The following PPARG variants were observed in gnomAD, a reference collection of about 807,000 sequenced individuals.
PPARG encodes the protein peroxisome proliferator activated receptor gamma.
Under a neutral mutation model 39.2 loss-of-function variants are expected in PPARG, and 17 were observed. That is an observed-to-expected ratio of 0.43 (90% CI 0.30 to 0.65). The LOEUF is 0.65. Among genes scored for constraint, PPARG ranks in the 30% least tolerant of loss-of-function variants. The probability of loss-of-function intolerance (pLI) is 0.13; values close to 1 mark genes in which losing one functional copy is unlikely to be tolerated. For synonymous variants in PPARG, 223 were observed against 215.7 expected (o/e 1.03, Z -0.30); for missense variants, 406 against 585.9 (o/e 0.69, Z 3.17).
chr3:12,304,801 A>C (rs2047017536), intron 1 of PPARG, among the ~76,000 whole-genome samples: 1 of 152,204 alleles, frequency 6.6e-6, no homozygotes, highest in Non-Finnish European at 1.5e-5. Flanking sequence ...GAAAGAAGCA[A>C]AGATAGTTTC....
At chr3:12,289,372 C>T (rs2046591974) in intron 1 of PPARG, among the ~76,000 whole-genome samples, 1 of 152,106 alleles carries the variant, frequency 6.6e-6, no homozygotes. Flanking sequence ...TCTTCTTTTC[C>T]TTGCAAGATT....
intron 4 of PPARG, among the ~76,000 whole-genome samples, chr3:12,385,787 C>T (rs1383063207): frequency 1.3e-5 from 2 of 152,180 alleles, no homozygotes; most frequent in Admixed American, 6.5e-5. Context: ...GCTTATTAAT[C>T]CAACTTCCAG....
Position 12,302,727 on chromosome 3 carries a change from C to T in PPARG, c.-82-9653C>T, listed in dbSNP as rs138668493. On this transcript the variant is annotated intron_variant, in intron 1 of 7. Coordinates refer to ENST00000651735, the MANE Select transcript of PPARG (RefSeq NM_138711.6). ...GATTTTAGGCCAGATGATAAAAGGT[C>T]TGGAATGCAGGAGAAGGAGTGTGGG... Among the ~76,000 whole-genome samples the T allele has an allele frequency of 3.6e-3, 550 of 151,582 alleles. 5 individuals carry two copies. Among genetic ancestry groups the T allele is most frequent in the African/African-American group, 0.012 (505 of 41,280 alleles).
At chr3:12,419,660 G>C (rs940235682) in intron 7 of PPARG, among the ~76,000 whole-genome samples, 3 of 151,526 alleles carry the variant, frequency 2.0e-5, no homozygotes, top group Admixed American at 1.3e-4. Flanking sequence ...CTAGAGACAG[G>C]GTTTCACAAT....
chr3:12,424,594 G>A (rs532680079), intron 7 of PPARG, among the ~76,000 whole-genome samples: 100 of 152,248 alleles, frequency 6.6e-4, no homozygotes, highest in Admixed American at 4.0e-3. Context: ...TCACCAAGAC[G>A]TTCAGACAGA....
chr3:12,351,044 T>C (rs758300788), intron 2 of PPARG, among the ~76,000 whole-genome samples: 5 of 152,194 alleles, frequency 3.3e-5, no homozygotes, highest in African/African-American at 7.2e-5. Context: ...TGGATACATA[T>C]TTGAATTCCA....
chr3:12,402,159 G>T (rs4135274), intron 5 of PPARG, among the ~76,000 whole-genome samples: 5,672 of 152,164 alleles, frequency 0.037, 292 homozygotes, highest in East Asian at 0.29. Context: ...CATGCCTGGC[G>T]CACAATAGTC....
At chr3:12,289,797 A>T (rs1179899893) in intron 1 of PPARG, among the ~76,000 whole-genome samples, 2 of 152,184 alleles carry the variant, frequency 1.3e-5, no homozygotes, top group African/African-American at 4.8e-5. Flanking sequence ...GACAGAAGAC[A>T]CTCATAGATG....
At chr3:12,304,574 A>G (rs759969592) in intron 1 of PPARG, among the ~76,000 whole-genome samples, 1 of 152,264 alleles carries the variant, frequency 6.6e-6, no homozygotes, top group Non-Finnish European at 1.5e-5. Flanking sequence ...CTTCAAGTCT[A>G]GTAGAATATT....
At chr3:12,390,216 G>A (rs569819637) in intron 4 of PPARG, among the ~76,000 whole-genome samples, 2 of 152,138 alleles carry the variant, frequency 1.3e-5, no homozygotes, top group South Asian at 2.1e-4. Context: ...TTTTCATAAA[G>A]CGCTTGTGGG....
At chr3:12,411,645 G>A (rs1004371160) in intron 6 of PPARG, among the ~76,000 whole-genome samples, 1 of 152,286 alleles carries the variant, frequency 6.6e-6, no homozygotes, top group South Asian at 2.1e-4. Context: ...TGCTATAAAT[G>A]GCACTTTGAC....
rs771121297 is a variant in PPARG, at chr3:12,303,623, CCTT to C, written c.-82-8753_-82-8751del. Among the ~76,000 whole-genome samples the C allele has an allele frequency of 8.2e-4, 125 of 152,246 alleles. 1 individual carries two copies. Among genetic ancestry groups the C allele is most frequent in the Middle Eastern group, 3.4e-3 (1 of 294 alleles). On this transcript the variant is annotated intron_variant, in intron 1 of 7. Coordinates refer to ENST00000651735, the MANE Select transcript of PPARG (RefSeq NM_138711.6). Reference sequence around the variant, plus strand: ...TGGAGCTCGCTGTCACATAAATAGTCCTTCTTTGTCAAAGGATTGCTAGGAATT... The same window carrying C: ...TGGAGCTCGCTGTCACATAAATAGTCCTTTGTCAAAGGATTGCTAGGAATT...
At chr3:12,373,209 T>C (rs1339134738) in intron 2 of PPARG, among the ~76,000 whole-genome samples, 1 of 152,078 alleles carries the variant, frequency 6.6e-6, no homozygotes, top group Non-Finnish European at 1.5e-5. Context: ...ATAAAATGTC[T>C]AGGGAACCAC....
intron 6 of PPARG, among the ~76,000 whole-genome samples, chr3:12,409,058 C>G (rs1223445992): frequency 6.6e-6 from 1 of 152,132 alleles, no homozygotes; most frequent in Non-Finnish European, 1.5e-5. Context: ...ATGGGCTTTT[C>G]AAGTTCAGAG....
At position 12,379,763 on chromosome 3, in the gene PPARG, G is replaced by A. The variant is rs141797536; in HGVS notation, c.52G>A (p.Val18Met). Residue 18 changes from valine to methionine, a missense_variant, in exon 3 of 8, where the codon GTG (valine) becomes ATG (methionine). Val to Met is a conservative substitution (Grantham distance 21, BLOSUM62 1). Coordinates refer to ENST00000651735, the MANE Select transcript of PPARG (RefSeq NM_138711.6). ...FWPTNFGISS[V>M]DLSVMEDHSH... is the part of the protein sequence containing the mutation. ...GCCCACCAACTTTGGGATCAGCTCC[G>A]TGGATCTCTCCGTAATGGAAGACCA... is the stretch of plus-strand genomic sequence containing the variant. 8.7e-6 allele frequency: 14 copies of A among 1,613,856 alleles called. No homozygotes were observed. Among genetic ancestry groups the A allele is most frequent in the Non-Finnish European group, 1.1e-5 (13 of 1,179,934 alleles).
At chr3:12,366,389 C>G (rs2049018296) in intron 2 of PPARG, among the ~76,000 whole-genome samples, 1 of 151,328 alleles carries the variant, frequency 6.6e-6, no homozygotes, top group Admixed American at 6.6e-5. Flanking sequence ...CATTTGCAAA[C>G]AAAGACAGTT....
chr3:12,323,497 C>G (rs899912557), intron 2 of PPARG, among the ~76,000 whole-genome samples: 1 of 152,172 alleles, frequency 6.6e-6, no homozygotes, highest in Non-Finnish European at 1.5e-5. Context: ...CTTAGTACTT[C>G]TGTGTACCCA....
At chr3:12,305,644 A>G (rs2047042718) in intron 1 of PPARG, 1 of 152,216 alleles carries the variant, frequency 6.6e-6, no homozygotes, top group Non-Finnish European at 1.5e-5. Context: ...TGTCTAGAAC[A>G]CTGCTAACAA....
chr3:12,288,531 G>A (rs939204374), upstream of PPARG, among the ~76,000 whole-genome samples: 1 of 152,024 alleles, frequency 6.6e-6, no homozygotes, highest in Non-Finnish European at 1.5e-5. Context: ...TTTGGAGCAG[G>A]GTGTCTGGAC....
Sources: allele counts gnomAD v4.1 joint callset (sites outside exome capture counted in the v4.1 genomes callset), GRCh38; gene constraint gnomAD v4.1.1; transcripts MANE v1.5; gene names NCBI Gene and HGNC (gene_info 2026-07-23, HGNC 2026-07-21).